PRKRA: variants seen among roughly 807,000 people sequenced by gnomAD.
The protein encoded by PRKRA is interferon-inducible double-stranded RNA-dependent protein kinase activator A.
Under a neutral mutation model 32.4 loss-of-function variants are expected in PRKRA, and 22 were observed. The ratio of observed to expected loss-of-function variants is 0.68; its 90% CI spans 0.49 to 0.97. The LOEUF is 0.97. PRKRA is among the 50% of genes least tolerant of loss of function. PRKRA has a pLI of 0.00. For synonymous variants in PRKRA, 139 were observed against 129.8 expected, an observed-to-expected ratio of 1.07 and a Z score of -0.48; for missense variants, 319 against 375.6, an observed-to-expected ratio of 0.85 and a Z score of 1.25.
intron 2 of PRKRA, chr2:178,450,005 G>A (rs558373214): frequency 3.3e-6 from 2 of 597,746 alleles, no homozygotes; most frequent in East Asian, 2.9e-5. Context: ...GCAGGATCCA[G>A]CCATCCGGCT....
At chr2:178,440,613 T>C (rs1697073228) in intron 6 of PRKRA, among the ~76,000 whole-genome samples, 1 of 152,160 alleles carries the variant, frequency 6.6e-6, no homozygotes. Flanking sequence ...TCCAATCAAT[T>C]ACCATGCCCC....
intron 6 of PRKRA, 86 bp downstream of exon 6, chr2:178,441,524 T>C: frequency 2.5e-6 from 2 of 799,478 alleles, no homozygotes; most frequent in Non-Finnish European, 3.7e-6. Context: ...AACTCTGAAG[T>C]AGCTATAGAA....
At chr2:178,445,026 T>C (rs1002972210) in intron 3 of PRKRA, among the ~76,000 whole-genome samples, 1 of 152,240 alleles carries the variant, frequency 6.6e-6, no homozygotes, top group Non-Finnish European at 1.5e-5. Context: ...GCAATGTGAA[T>C]AATACAGATT....
chr2:178,436,342 T>C, intron 6 of PRKRA, 23 bp from the exon 7 acceptor site: 1 of 797,988 alleles, frequency 1.3e-6, no homozygotes, highest in Non-Finnish European at 1.8e-6. Flanking sequence ...GATGAAGATT[T>C]AGACTCTTGA....
Position 178,443,336 on chromosome 2 carries a change from G to A in PRKRA, c.445C>T (p.Gln149Ter), listed in dbSNP as rs769624345. ...GWRLPEYTLS[Q>*]EGGPAHKREY... ...CTCTTATGAGCAGGTCCTCCCTCCT[G>A]GGAAAGGGTATATTCAGGAAGTCTC... The change falls in exon 5 of 8, where the codon CAG becomes TAG. Residue 149 changes from glutamine to a stop codon, truncating the protein, a stop_gained. Transcript: ENST00000325748. LOFTEE classifies it high-confidence loss of function. 189 of 1,613,258 alleles carry A rather than the reference G, an allele frequency of 1.2e-4. No homozygotes were observed. Among genetic ancestry groups the A allele is most frequent in the Non-Finnish European group, 1.6e-4 (187 of 1,179,394 alleles).
At chr2:178,447,480 C>T (rs773410630) in intron 3 of PRKRA, 25 bp downstream of exon 3, 5 of 1,613,964 alleles carry the variant, frequency 3.1e-6, no homozygotes, top group Non-Finnish European at 4.2e-6. Flanking sequence ...TTTTGAGCTG[C>T]TGAATACAAA....
intron 1 of PRKRA, chr2:178,450,668 A>T: frequency 7.0e-7 from 1 of 1,425,304 alleles, no homozygotes; most frequent in African/African-American, 1.4e-5. Context: ...TCAACAGAAC[A>T]GGGCTGGCAG....
intron 2 of PRKRA, among the ~76,000 whole-genome samples, chr2:178,447,827 A>T (rs1016131348): frequency 5.3e-5 from 8 of 152,242 alleles, no homozygotes; most frequent in African/African-American, 1.9e-4. Flanking sequence ...TTAAAGTTCT[A>T]TATAATTCTA....
chr2:178,450,082 T>A (rs1697500868), intron 2 of PRKRA, 160 bp downstream of exon 2: 1 of 920,030 alleles, frequency 1.1e-6, no homozygotes, highest in Non-Finnish European at 1.8e-6. Flanking sequence ...GAGAATCAGA[T>A]GCAGCTGAAA....
At chr2:178,438,623 T>G (rs1463920731) in intron 6 of PRKRA, among the ~76,000 whole-genome samples, 5 of 152,090 alleles carry the variant, frequency 3.3e-5, no homozygotes, top group African/African-American at 2.4e-5. Context: ...TTCTTGAGGG[T>G]TTTTTTCCAG....
At position 178,443,342 on chromosome 2, in the gene PRKRA, G is replaced by T; in HGVS notation, c.439C>A (p.Leu147Ile). The change falls in exon 5 of 8, where the codon CTT becomes ATT. Residue 147 changes from leucine (L) to isoleucine (I), a missense_variant. Leu to Ile is a conservative substitution (Grantham distance 5). Transcript: ENST00000325748. ...HHGWRLPEYTLSQEGGPAHKR... is the reference protein window; with the variant it reads ...HHGWRLPEYTISQEGGPAHKR... ...TGAGCAGGTCCTCCCTCCTGGGAAA[G>T]GGTATATTCAGGAAGTCTCCAGCCA... is the stretch of plus-strand genomic sequence containing the variant. The T allele has an allele frequency of 6.2e-7, 1 of 1,613,314 alleles. No homozygotes were observed. Among genetic ancestry groups the T allele is most frequent in the Non-Finnish European group, 8.5e-7 (1 of 1,179,310 alleles).
At position 178,432,188 on chromosome 2, in the gene PRKRA, C is replaced by T; in HGVS notation, c.851G>A (p.Cys284Tyr). Residue 284 changes from cysteine to tyrosine, a missense_variant, in exon 8 of 8, where the codon TGT becomes TAT. Coordinates refer to ENST00000325748, the MANE Select transcript of PRKRA (RefSeq NM_003690.5). ...GCCACAGGAGATACCGGAGCCATGACAGACTGTGATGGGGCTGGTGGACAG... is the reference window on the plus strand; with the variant it reads ...GCCACAGGAGATACCGGAGCCATGATAGACTGTGATGGGGCTGGTGGACAG... ...AELSTSPITV[C>Y]HGSGISCGNA... 6.2e-7 allele frequency: 1 copy of T among 1,614,224 alleles called. No individual in the cohort carries two copies.
In PRKRA at chr2:178,450,991, C is replaced by T. The variant is rs933550231; in HGVS notation, c.40G>A (p.Glu14Lys). ...SRHRAEAPPL[E>K]REDSGTFSLG... is the part of the protein sequence containing the mutation. ...CTGAAGGTCCCACTGTCCTCGCGCT[C>T]CAGCGGCGGGGCCTCGGCGCGGTGC... Residue 14 changes from glutamate (E) to lysine (K), a missense_variant, in exon 1 of 8, where the codon GAG becomes AAG. Transcript: ENST00000325748. 5.8e-6 allele frequency: 9 copies of T among 1,563,494 alleles called. No homozygotes were observed. Among genetic ancestry groups the T allele is most frequent in the African/African-American group, 1.4e-5 (1 of 71,688 alleles).
At chr2:178,448,087 T>C (rs973349938) in intron 2 of PRKRA, among the ~76,000 whole-genome samples, 2 of 152,236 alleles carry the variant, frequency 1.3e-5, no homozygotes, top group East Asian at 3.8e-4. Context: ...CAAACTGCTT[T>C]GCTAGGCTGA....
chr2:178,449,989 A>C (rs1448663569), intron 2 of PRKRA: 1 of 569,946 alleles, frequency 1.8e-6, no homozygotes, highest in East Asian at 3.0e-5. Flanking sequence ...GTATGAGAAG[A>C]GCCATGCAGG....
intron 2 of PRKRA, 92 bp from the exon 3 acceptor site, chr2:178,447,678 A>C: frequency 8.7e-7 from 1 of 1,154,208 alleles, no homozygotes. Context: ...AAGTCACTAT[A>C]GATTTTACAT....
Position 178,450,860 on chromosome 2 carries a change from C to G in PRKRA, c.65+106G>C, listed in dbSNP as rs987905141. ...ACCCACAGCCGCGGAGGCGTGGGCG[C>G]CGGGCACGGCTTTACCCAGAATGCC... On this transcript the variant is annotated intron_variant, in intron 1 of 7. Transcript: ENST00000325748. 4 of 1,232,484 alleles carry G rather than the reference C, an allele frequency of 3.2e-6. No homozygotes were observed. The Admixed American group carries it at 1.3e-4, about 39-fold the overall frequency. The allele number at this position is 1,232,484 out of a possible 1,614,324, so 76.3% of individuals were successfully genotyped here.
chr2:178,436,416 AAT>A (rs1247924463), intron 6 of PRKRA, 97 bp from the exon 7 acceptor site: 1 of 1,012,088 alleles, frequency 9.9e-7, no homozygotes, highest in African/African-American at 1.6e-5. Flanking sequence ...ACTCACATTT[AAT>A]ATGTTATAAA....
At position 178,431,991 on chromosome 2, in the gene PRKRA, A is replaced by T; in HGVS notation, c.*106T>A. On this transcript the variant is annotated 3_prime_UTR_variant, in exon 8 of 8. Transcript: ENST00000325748. Reference sequence around the variant, plus strand: ...TGGAGTGTTGATGGAATCTATGAAGAGATTTAGAAACAAGACATAAACACT... The same window carrying T: ...TGGAGTGTTGATGGAATCTATGAAGTGATTTAGAAACAAGACATAAACACT... 7.7e-7 allele frequency: 1 copy of T among 1,293,210 alleles called. No individual in the cohort carries two copies. The highest frequency in any genetic ancestry group is 2.4e-5 in the East Asian group (1 of 41,072). The allele number at this position is 1,293,210 out of a possible 1,614,324, so 80.1% of individuals were successfully genotyped here.
Sources: gnomAD v4.1 joint callset for allele counts (sites outside exome capture counted in the v4.1 genomes callset) on GRCh38, gnomAD v4.1.1 for gene constraint, MANE v1.5 for transcripts, NCBI Gene and HGNC (gene_info 2026-07-23, HGNC 2026-07-21) for gene names.